Variants in SLC8A1 observed in about 807,000 individuals in gnomAD.
The protein encoded by SLC8A1 is sodium/calcium exchanger 1.
Under a neutral mutation model 68.3 loss-of-function variants are expected in SLC8A1, and 18 were observed. That is an observed-to-expected ratio of 0.26 (90% CI 0.18 to 0.39). The LOEUF is 0.39. Among genes scored for constraint, SLC8A1 ranks in the 10% least tolerant of loss-of-function variants. SLC8A1 has a pLI of 1.00. For synonymous variants in SLC8A1, 475 were observed against 415.5 expected, an observed-to-expected ratio of 1.14 and a Z score of -1.74; for missense variants, 985 against 1,156.7, an observed-to-expected ratio of 0.85 and a Z score of 2.15.
At chr2:40,387,015 T>C (rs1203523615) in intron 2 of SLC8A1, among the ~76,000 whole-genome samples, 7 of 151,318 alleles carry the variant, frequency 4.6e-5, no homozygotes, top group Admixed American at 3.9e-4. Flanking sequence ...ACTTGGATCC[T>C]AAAATTCACA....
chr2:40,212,643 G>C (rs384673), intron 2 of SLC8A1, among the ~76,000 whole-genome samples: 72 of 152,146 alleles, frequency 4.7e-4, no homozygotes, highest in African/African-American at 1.7e-3. Context: ...CTATAAATCT[G>C]CTGCCTTCTG....
At chr2:40,364,119 A>G (rs1317621532) in intron 2 of SLC8A1, among the ~76,000 whole-genome samples, 2 of 152,104 alleles carry the variant, frequency 1.3e-5, no homozygotes, top group Non-Finnish European at 2.9e-5. Context: ...CAACTGCCTG[A>G]TAAGTATTTG....
chr2:40,179,710 T>C (rs981018030), intron 2 of SLC8A1, among the ~76,000 whole-genome samples: 10 of 152,184 alleles, frequency 6.6e-5, no homozygotes, highest in African/African-American at 2.2e-4. Flanking sequence ...TGGAAGGAAA[T>C]TGGCTTATGA....
intron 2 of SLC8A1, among the ~76,000 whole-genome samples, chr2:40,244,983 T>A (rs1239542945): frequency 6.6e-6 from 1 of 152,146 alleles, no homozygotes; most frequent in Non-Finnish European, 1.5e-5. Flanking sequence ...CAAAAACCAT[T>A]TGACAATTTA....
chr2:40,182,100 C>G (rs2049689664), intron 2 of SLC8A1, among the ~76,000 whole-genome samples: 1 of 152,068 alleles, frequency 6.6e-6, no homozygotes, highest in Non-Finnish European at 1.5e-5. Flanking sequence ...CCCTGAGAAC[C>G]TACATCCATT....
rs188622040 is a variant in SLC8A1 at position 40,383,172 on chromosome 2, G to A, written c.1808+45301C>T. ...TTGGCAAATTAAAGATTACAGACAC[G>A]TTGTAGATAATAAACATAAATCATG... On this transcript the variant is annotated intron_variant, in intron 2 of 7. Coordinates refer to ENST00000406785, the Ensembl canonical transcript of SLC8A1. 2.3e-4 allele frequency among the ~76,000 whole-genome samples: 35 copies of A among 152,124 alleles called. No homozygotes were observed. The East Asian group carries it at 5.8e-3, about 25-fold the overall frequency.
chr2:40,306,678 C>G (rs189075852), intron 2 of SLC8A1, among the ~76,000 whole-genome samples: 1 of 152,150 alleles, frequency 6.6e-6, no homozygotes, highest in Non-Finnish European at 1.5e-5. Flanking sequence ...AATGGCAAAT[C>G]TTTTCGTTTG....
chr2:40,504,287 C>T (rs1375390156), intron 1 of SLC8A1, among the ~76,000 whole-genome samples: 1 of 151,928 alleles, frequency 6.6e-6, no homozygotes, highest in Non-Finnish European at 1.5e-5. Context: ...CTCTGTCTCT[C>T]GCTAAATACA....
intron 2 of SLC8A1, among the ~76,000 whole-genome samples, chr2:40,353,268 T>C (rs760665104): frequency 6.6e-6 from 1 of 152,136 alleles, no homozygotes; most frequent in Non-Finnish European, 1.5e-5. Context: ...CTGAGCCTCC[T>C]TAGGAGCCAA....
intron 2 of SLC8A1, among the ~76,000 whole-genome samples, chr2:40,245,329 C>T (rs1617492): frequency 0.82 from 125,016 of 152,110 alleles, 52,115 homozygotes; most frequent in Middle Eastern, 0.88. Flanking sequence ...ACATATACTA[C>T]GTAGTCACAC....
rs1575204991 is a variant in SLC8A1 at position 40,302,715 on chromosome 2, C to CT, written c.1809-124861dup. On this transcript the variant is annotated intron_variant, in intron 2 of 7. Coordinates refer to ENST00000406785, the Ensembl canonical transcript of SLC8A1. Reference sequence around the variant, plus strand: ...GCTATAAACATGCATGTGCAAGTATCTTTTTTCTGTAATGACTTCTTTTCC... The same window carrying CT: ...GCTATAAACATGCATGTGCAAGTATCTTTTTTTCTGTAATGACTTCTTTTCC... 2.0e-5 allele frequency among the ~76,000 whole-genome samples: 3 copies of CT among 152,050 alleles called. No individual in the cohort carries two copies. The East Asian group carries it at 5.8e-4, about 29-fold the overall frequency.
chr2:40,481,870 C>G (rs932896300), intron 1 of SLC8A1, among the ~76,000 whole-genome samples: 1 of 152,010 alleles, frequency 6.6e-6, no homozygotes, highest in African/African-American at 2.4e-5. Flanking sequence ...CTTCTATACC[C>G]TTTTAGTTGG....
chr2:40,195,534 A>C (rs1436371299), intron 2 of SLC8A1, among the ~76,000 whole-genome samples: 1 of 152,100 alleles, frequency 6.6e-6, no homozygotes, highest in Non-Finnish European at 1.5e-5. Context: ...CTTCCTCTCA[A>C]ATCTCTTCTG....
chr2:40,170,422 G>C, intron 4 of SLC8A1, 73 bp from the exon 7 acceptor site: 1 of 1,323,764 alleles, frequency 7.6e-7, no homozygotes, highest in Non-Finnish European at 1.1e-6. Context: ...TGTGGAATTA[G>C]TAAGCTAAAC....
intron 7 of SLC8A1, among the ~76,000 whole-genome samples, chr2:40,125,747 GAAAAA>G (rs1007255905): frequency 1.3e-5 from 2 of 151,040 alleles, no homozygotes; most frequent in African/African-American, 4.9e-5. Flanking sequence ...AACTTATAAT[GAAAAA>G]AAGAAAAGAA....
intron 3 of SLC8A1, 137 bp from the exon 4 acceptor site, chr2:40,175,418 C>G: frequency 1.3e-6 from 1 of 758,146 alleles, no homozygotes; most frequent in Non-Finnish European, 2.2e-6. Flanking sequence ...ATGGGTATAC[C>G]CCAAAGAAAT....
At chr2:40,200,225 T>TATAA (rs1558722645) in intron 2 of SLC8A1, among the ~76,000 whole-genome samples, 15 of 11,578 alleles carry the variant, frequency 1.3e-3, no homozygotes, top group East Asian at 3.7e-3. Flanking sequence ...TATATTTTTT[T>TATAA]ATATATATAT....
At chr2:40,122,736 C>T (rs2037194809) in intron 7 of SLC8A1, among the ~76,000 whole-genome samples, 1 of 152,294 alleles carries the variant, frequency 6.6e-6, no homozygotes, top group East Asian at 1.9e-4. Context: ...ACAATGATGC[C>T]TCCCTTAGAT....
intron 2 of SLC8A1, among the ~76,000 whole-genome samples, chr2:40,232,334 T>C (rs1252127475): frequency 6.6e-6 from 1 of 152,022 alleles, no homozygotes; most frequent in East Asian, 1.9e-4. Context: ...ATAGATGTTC[T>C]GATTACAGAC....
Sources: allele counts gnomAD v4.1 joint callset (sites outside exome capture counted in the v4.1 genomes callset), GRCh38; gene constraint gnomAD v4.1.1; transcripts MANE v1.5; gene names NCBI Gene and HGNC (gene_info 2026-07-23, HGNC 2026-07-21).